The following ZNF559 variants were observed in gnomAD, a reference collection of about 807,000 sequenced individuals.
The protein encoded by ZNF559 is zinc finger protein 559.
ZNF559 carries 17 observed loss-of-function variants against 14.2 expected under a neutral mutation model. That is an observed-to-expected ratio of 1.20 (90% CI 0.82 to 1.80). The LOEUF (loss-of-function observed/expected upper bound fraction) is 1.80, where lower values mean the gene tolerates loss of function less well. ZNF559 is among the 40% of genes most tolerant of loss of function. The probability of loss-of-function intolerance (pLI) is 0.00; values close to 1 mark genes in which losing one functional copy is unlikely to be tolerated. For missense variants in ZNF559, 740 were observed against 629.7 expected (o/e 1.18, Z -1.88); for synonymous variants, 244 against 212.4 (o/e 1.15, Z -1.29).
At chr19:9,332,026 T>C (rs535423285) in intron 2 of ZNF559, among the ~76,000 whole-genome samples, 12 of 152,338 alleles carry the variant, frequency 7.9e-5, no homozygotes, top group Non-Finnish European at 1.6e-4. Flanking sequence ...TATCTTTCAA[T>C]ATGGTTTTGT....
chr19:9,341,067 T>C (rs1336785717), intron 5 of ZNF559, 35 bp from the exon 6 acceptor site: 2 of 1,522,826 alleles, frequency 1.3e-6, no homozygotes, highest in Admixed American at 2.0e-5. Context: ...TCATTATTTC[T>C]CTAAGAACTT....
At chr19:9,340,921 A>T (rs1459123157) in intron 5 of ZNF559, among the ~76,000 whole-genome samples, 181 bp from the exon 6 acceptor site, 3 of 151,836 alleles carry the variant, frequency 2.0e-5, no homozygotes. Context: ...TCAGTACCTT[A>T]CTGTTGCTAG....
intron 6 of ZNF559, chr19:9,341,479 G>A (rs771266245): frequency 1.0e-4 from 95 of 912,602 alleles, no homozygotes; most frequent in Non-Finnish European, 1.6e-4. Flanking sequence ...GAAGCCCTCT[G>A]AAAGTAAAGA....
intron 1 of ZNF559, 60 bp downstream of exon 1, chr19:9,324,288 A>G: frequency 3.3e-6 from 5 of 1,535,620 alleles, no homozygotes; most frequent in Non-Finnish European, 4.4e-6. Context: ...GCGAGAGTAG[A>G]AGGGTGGAAA....
At chr19:9,327,338 C>T (rs1485999651) in intron 2 of ZNF559, among the ~76,000 whole-genome samples, 1 of 152,102 alleles carries the variant, frequency 6.6e-6, no homozygotes, top group Non-Finnish European at 1.5e-5. Context: ...ACCTCCGCCT[C>T]CCCGGTTCAA....
chr19:9,324,515 C>T (rs897404714), intron 1 of ZNF559, 180 bp from the exon 2 acceptor site: 6 of 1,294,820 alleles, frequency 4.6e-6, no homozygotes, highest in Admixed American at 2.9e-5. Flanking sequence ...TCATAGGGCC[C>T]GGCGCGGCGG....
At position 9,341,145 on chromosome 19, in the gene ZNF559, G is replaced by A. The variant is rs2067559240; in HGVS notation, c.204G>A (p.Gln68=). The change falls in exon 6 of 7, where the codon CAG becomes CAA. Residue 68 remains glutamine (Q), a synonymous_variant. Transcript: ENST00000603380. ...HINTKWSAPQ[Q]NFLQGKTSSV... ...ATACCAAATGGTCAGCACCTCAGCA[G>A]AATTTTTTGCAGGGGAAAACATCCA... 6.2e-7 allele frequency: 1 copy of A among 1,613,770 alleles called. No homozygotes were observed. Among genetic ancestry groups the A allele is most frequent in the Non-Finnish European group, 8.5e-7 (1 of 1,179,966 alleles).
At position 9,337,836 on chromosome 19, in the gene ZNF559, T is replaced by C. The variant is rs2067323742; in HGVS notation, c.-79T>C. 2 of 1,482,932 alleles carry C rather than the reference T, an allele frequency of 1.3e-6. No homozygotes were observed. Among genetic ancestry groups the C allele is most frequent in the Non-Finnish European group, 8.9e-7 (1 of 1,119,836 alleles). 91.9% of individuals were successfully genotyped at this position (1,482,932 alleles called of 1,614,324 possible). On this transcript the variant is annotated 5_prime_UTR_variant, in exon 3 of 7. An upstream start codon of the reference 5' UTR is lost. Transcript: ENST00000603380. ...ATGGCGCTTGATGACAGATGAGTAA[T>C]GCCTGTTGCTGAAAGATTGACGGTA...
Position 9,345,582 on chromosome 19 carries a change from T to G in ZNF559, c.*2514T>G, listed in dbSNP as rs890335295. The stretch of plus-strand genomic sequence containing the variant: ...ACATGGTTTCACGTGCTTACTGGCC[T>G]TCTTTAAGCCTTTGGGGAAGAGTCT... On this transcript the variant is annotated 3_prime_UTR_variant, in exon 7 of 7. Transcript: ENST00000603380. 5 of 152,132 alleles carry G rather than the reference T, an allele frequency of 3.3e-5. No homozygotes were observed. Among genetic ancestry groups the G allele is most frequent in the Non-Finnish European group, 5.9e-5 (4 of 68,012 alleles). 9.4% of individuals were successfully genotyped at this position (152,132 alleles called of 1,614,324 possible).
Position 9,343,152 on chromosome 19 carries a change from G to A in ZNF559, c.*84G>A. On this transcript the variant is annotated 3_prime_UTR_variant, in exon 7 of 7. Coordinates refer to ENST00000603380, the MANE Select transcript of ZNF559 (RefSeq NM_032497.3). ...ACATGTACTCATTCATAGTGGCAAT[G>A]TACACAGTCATAAGGAATGTGGGAA... The A allele has an allele frequency of 3.9e-6, 6 of 1,528,672 alleles. No individual in the cohort carries two copies. In the South Asian group the frequency reaches 7.7e-5, roughly 20 times the overall value. 94.7% of individuals were successfully genotyped at this position (1,528,672 alleles called of 1,614,324 possible). A position where few individuals can be genotyped will look rare whatever the true frequency, so the allele number is the denominator to read the frequency against.
intron 6 of ZNF559, 142 bp downstream of exon 6, chr19:9,341,326 C>T (rs989449603): frequency 4.7e-6 from 4 of 851,260 alleles, no homozygotes; most frequent in Non-Finnish European, 7.9e-6. Context: ...CTTGGAGAGA[C>T]TATGGATCAT....
In ZNF559 at chr19:9,338,522, T is replaced by A. The variant is rs200203597; in HGVS notation, c.-28T>A. The A allele has an allele frequency of 5.9e-5, 96 of 1,614,058 alleles. No homozygotes were observed. The African/African-American group carries it at 7.1e-4, about 12-fold the overall frequency. On this transcript the variant is annotated 5_prime_UTR_variant, in exon 4 of 7. Coordinates refer to ENST00000603380, the MANE Select transcript of ZNF559 (RefSeq NM_032497.3). ...ATCTTTCTCAAGATGTTTTCTGTCT[T>A]CATGAGTCAAAATTTGAAGAGGAAA...
At chr19:9,335,135 CAAAAA>C (rs59300029) in intron 2 of ZNF559, among the ~76,000 whole-genome samples, 1 of 124,596 alleles carries the variant, frequency 8.0e-6, no homozygotes. Context: ...GACTCTGTCT[CAAAAA>C]AAAAAAAAAA....
Position 9,343,575 on chromosome 19 carries a change from C to G in ZNF559, c.*507C>G. On this transcript the variant is annotated 3_prime_UTR_variant, in exon 7 of 7. Transcript: ENST00000603380. The stretch of plus-strand genomic sequence containing the variant: ...TATGAATGTAAAATGTGTGGAGATT[C>G]TTCTTTGTTTTTAGCTTCCACTTTG... 1 of 991,448 alleles carries G rather than the reference C, an allele frequency of 1.0e-6. No individual in the cohort carries two copies. The allele number at this position is 991,448 out of a possible 1,614,324, so 61.4% of individuals were successfully genotyped here.
chr19:9,327,852 T>C (rs2066709756), intron 2 of ZNF559, among the ~76,000 whole-genome samples: 1 of 152,210 alleles, frequency 6.6e-6, no homozygotes, highest in South Asian at 2.1e-4. Context: ...TAAATTTGGC[T>C]CTGTGTCTTG....
intron 2 of ZNF559, among the ~76,000 whole-genome samples, chr19:9,329,487 T>C (rs1249312134): frequency 2.6e-5 from 4 of 152,204 alleles, no homozygotes; most frequent in African/African-American, 7.2e-5. Context: ...TATTATATAA[T>C]GATCTTTGTC....
intron 5 of ZNF559, 130 bp downstream of exon 5, chr19:9,339,449 G>A: frequency 9.5e-7 from 1 of 1,055,786 alleles, no homozygotes; most frequent in Non-Finnish European, 1.4e-6. Context: ...CCATCTCATA[G>A]ACCTTACTGC....
chr19:9,325,990 T>G (rs2066572934), intron 2 of ZNF559, among the ~76,000 whole-genome samples: 1 of 151,602 alleles, frequency 6.6e-6, no homozygotes. Flanking sequence ...CACCCCCAAA[T>G]CAAATCAGAT....
rs572274400 is a variant in ZNF559 at position 9,333,920 on chromosome 19, A to T, written c.-119-3876A>T. On this transcript the variant is annotated intron_variant, in intron 2 of 6. Coordinates refer to ENST00000603380, the MANE Select transcript of ZNF559 (RefSeq NM_032497.3). ...ATTGAAGTTTTTATCCTCATCAATA[A>T]TCAGGCAAATGGAAATTAAATCTGC... 3.7e-4 allele frequency among the ~76,000 whole-genome samples: 57 copies of T among 152,316 alleles called. No individual in the cohort carries two copies. The South Asian group carries it at 4.8e-3, about 13-fold the overall frequency.
Sources: gnomAD v4.1 joint callset for allele counts (sites outside exome capture counted in the v4.1 genomes callset) on GRCh38, gnomAD v4.1.1 for gene constraint, MANE v1.5 for transcripts, NCBI Gene and HGNC (gene_info 2026-07-23, HGNC 2026-07-21) for gene names.